The following HECW2 variants were observed in gnomAD, a reference collection of about 807,000 sequenced individuals.
HECW2 encodes E3 ubiquitin-protein ligase HECW2.
In HECW2, 61 loss-of-function variants were observed where a neutral mutation model predicts 175.2. That is an observed-to-expected ratio of 0.35 (90% confidence interval 0.28 to 0.43). The LOEUF is 0.43. Among genes scored for constraint, HECW2 ranks in the 20% least tolerant of loss-of-function variants. The pLI, the probability that HECW2 is intolerant of heterozygous loss-of-function variation, is 1.00. For synonymous variants in HECW2, 671 were observed against 731.0 expected, an observed-to-expected ratio of 0.92 and a Z score of 1.32; for missense variants, 1,524 against 2,000.5, an observed-to-expected ratio of 0.76 and a Z score of 4.54.
chr2:196,317,952 T>A (rs978718377), intron 9 of HECW2, among the ~76,000 whole-genome samples: 1 of 152,216 alleles, frequency 6.6e-6, no homozygotes, highest in African/African-American at 2.4e-5. Context: ...TCAGAAGACA[T>A]CACCTAACTT....
chr2:196,590,373 T>C (rs1559191941), intron 1 of HECW2, among the ~76,000 whole-genome samples: 2 of 152,216 alleles, frequency 1.3e-5, no homozygotes, highest in African/African-American at 4.8e-5. Context: ...GTCCTCCCTC[T>C]TTCAGGCCAG....
At chr2:196,483,855 G>A (rs1302689794) in intron 1 of HECW2, among the ~76,000 whole-genome samples, 3 of 152,208 alleles carry the variant, frequency 2.0e-5, no homozygotes, top group Admixed American at 1.3e-4. Context: ...CTTGCAAAGT[G>A]TGGACCTTCT....
At chr2:196,245,662 G>T (rs1315665380) in intron 19 of HECW2, among the ~76,000 whole-genome samples, 1 of 152,192 alleles carries the variant, frequency 6.6e-6, no homozygotes, top group Non-Finnish European at 1.5e-5. Flanking sequence ...GAATACTAAA[G>T]ACAGGGAAAT....
intron 2 of HECW2, among the ~76,000 whole-genome samples, chr2:196,378,285 C>T (rs905672727): frequency 6.6e-6 from 1 of 152,140 alleles, no homozygotes; most frequent in Non-Finnish European, 1.5e-5. Context: ...CAATTTCATA[C>T]AATGTGCTTT....
At chr2:196,257,416 C>A (rs1689103224) in intron 18 of HECW2, among the ~76,000 whole-genome samples, 1 of 122,690 alleles carries the variant, frequency 8.2e-6, no homozygotes, top group South Asian at 2.7e-4. Flanking sequence ...ATAAATAATG[C>A]CTTGAGTCAG....
chr2:196,513,451 A>G (rs145695938), intron 1 of HECW2, among the ~76,000 whole-genome samples: 1,859 of 152,294 alleles, frequency 0.012, 46 homozygotes, highest in African/African-American at 0.043. Flanking sequence ...TCGAGACTGC[A>G]GTGAGCCATG....
chr2:196,568,468 T>C (rs74570377), intron 1 of HECW2, among the ~76,000 whole-genome samples: 78 of 152,290 alleles, frequency 5.1e-4, no homozygotes, highest in African/African-American at 1.8e-3. Context: ...TTACTTATGA[T>C]AGGTGAGCTT....
At chr2:196,405,855 A>G (rs934727459) in intron 2 of HECW2, among the ~76,000 whole-genome samples, 8 of 151,454 alleles carry the variant, frequency 5.3e-5, no homozygotes, top group African/African-American at 1.9e-4. Flanking sequence ...TTCAACTTCT[A>G]CCCCCACCAA....
intron 21 of HECW2, among the ~76,000 whole-genome samples, chr2:196,230,246 C>T (rs559656989): frequency 6.6e-5 from 10 of 152,300 alleles, no homozygotes; most frequent in East Asian, 5.8e-4. Flanking sequence ...TATGCTGTGA[C>T]GAAGGCAGCC....
chr2:196,386,235 T>G (rs1694346387), intron 2 of HECW2, among the ~76,000 whole-genome samples: 1 of 152,054 alleles, frequency 6.6e-6, no homozygotes, highest in Non-Finnish European at 1.5e-5. Flanking sequence ...AGGAACATAT[T>G]AAGGTAAATC....
At chr2:196,367,740 G>A (rs74426545) in intron 2 of HECW2, among the ~76,000 whole-genome samples, 2 of 151,984 alleles carry the variant, frequency 1.3e-5, no homozygotes, top group South Asian at 2.1e-4. Context: ...GACAACATGC[G>A]AAGTGTGTCT....
chr2:196,318,297 C>T (rs979418950), intron 9 of HECW2, among the ~76,000 whole-genome samples: 4 of 152,138 alleles, frequency 2.6e-5, no homozygotes, highest in African/African-American at 7.2e-5. Context: ...TGATTAAGTC[C>T]CAAGGTCTCC....
intron 1 of HECW2, among the ~76,000 whole-genome samples, chr2:196,514,682 C>T (rs528375250): frequency 6.6e-6 from 1 of 152,194 alleles, no homozygotes; most frequent in African/African-American, 2.4e-5. Context: ...GAACAACCCC[C>T]CTGAGGACAG....
At chr2:196,404,087 T>G (rs773072557) in intron 2 of HECW2, among the ~76,000 whole-genome samples, 1 of 152,168 alleles carries the variant, frequency 6.6e-6, no homozygotes, top group Non-Finnish European at 1.5e-5. Context: ...TAAATGCAAT[T>G]GAGTGCCAGA....
At chr2:196,512,279 C>T (rs1354733354) in intron 1 of HECW2, among the ~76,000 whole-genome samples, 1 of 152,208 alleles carries the variant, frequency 6.6e-6, no homozygotes, top group Non-Finnish European at 1.5e-5. Context: ...TTTTTAAAGA[C>T]TATACGGGGC....
intron 1 of HECW2, among the ~76,000 whole-genome samples, chr2:196,542,814 T>C (rs1689271764): frequency 6.7e-6 from 1 of 149,874 alleles, no homozygotes; most frequent in Non-Finnish European, 1.5e-5. Flanking sequence ...GAAAGACATA[T>C]CTATATATAA....
chr2:196,397,648 G>T (rs148511945), intron 2 of HECW2, among the ~76,000 whole-genome samples: 173 of 152,278 alleles, frequency 1.1e-3, no homozygotes, highest in African/African-American at 3.9e-3. Context: ...CCAAATACCA[G>T]ACAGCATCAT....
At chr2:196,409,803 A>G (rs960974951) in intron 2 of HECW2, among the ~76,000 whole-genome samples, 20 of 152,158 alleles carry the variant, frequency 1.3e-4, no homozygotes, top group African/African-American at 4.6e-4. Flanking sequence ...CTACCAGAAG[A>G]TTTTTAAAAA....
intron 1 of HECW2, among the ~76,000 whole-genome samples, chr2:196,522,490 C>A (rs1194647441): frequency 6.6e-6 from 1 of 151,648 alleles, no homozygotes; most frequent in Non-Finnish European, 1.5e-5. Context: ...TAATTAGATC[C>A]CATTTGTCAA....
Sources: allele counts gnomAD v4.1 joint callset (sites outside exome capture counted in the v4.1 genomes callset), GRCh38; gene constraint gnomAD v4.1.1; transcripts MANE v1.5; gene names NCBI Gene and HGNC (gene_info 2026-07-23, HGNC 2026-07-21).